RAPGEF1: variants seen among roughly 807,000 people sequenced by gnomAD.
RAPGEF1 encodes CRK SH3-binding GNRP.
RAPGEF1 carries 33 observed loss-of-function variants against 143.3 expected under a neutral mutation model. The ratio of observed to expected loss-of-function variants is 0.23; its 90% CI spans 0.17 to 0.31. The LOEUF (loss-of-function observed/expected upper bound fraction) is 0.31. RAPGEF1 is among the 10% of genes least tolerant of loss of function. RAPGEF1 has a pLI of 1.00. For synonymous variants in RAPGEF1, 629 were observed against 676.5 expected (o/e 0.93, Z 1.09); for missense variants, 1,199 against 1,645.4 (o/e 0.73, Z 4.69).
chr9:131,578,001 A>T lies in RAPGEF1; in HGVS notation c.*1496T>A, dbSNP rs547017755. ...AAATGATCAACAGATGTTGCTTTCT[A>T]TATTTTTCCTTTGTTCTGTTTGAAC... On this transcript the variant is annotated 3_prime_UTR_variant, in exon 27 of 27. Transcript: ENST00000683357. 1 of 152,228 alleles carries T rather than the reference A, an allele frequency of 6.6e-6. No individual in the cohort carries two copies. The highest frequency in any genetic ancestry group is 1.5e-5 in the Non-Finnish European group (1 of 68,040). The allele number at this position is 152,228 out of a possible 1,614,324, so 9.4% of individuals were successfully genotyped here. A position where few individuals can be genotyped will look rare whatever the true frequency, so the allele number is the denominator to read the frequency against.
intron 16 of RAPGEF1, among the ~76,000 whole-genome samples, chr9:131,596,838 G>A (rs879172): frequency 0.31 from 46,568 of 152,066 alleles, 7,265 homozygotes; most frequent in East Asian, 0.38. Context: ...TGCAGCAAGC[G>A]GCCCTACATC....
At chr9:131,695,294 C>T (rs1834082729) in intron 1 of RAPGEF1, among the ~76,000 whole-genome samples, 1 of 152,180 alleles carries the variant, frequency 6.6e-6, no homozygotes, top group Non-Finnish European at 1.5e-5. Flanking sequence ...GATTAGAATG[C>T]TTCCCTGTGT....
chr9:131,655,942 AC>A lies in RAPGEF1; in HGVS notation c.62-4994del, dbSNP rs1972361366. 6.6e-6 allele frequency among the ~76,000 whole-genome samples: 1 copy of A among 152,202 alleles called. No individual in the cohort carries two copies. The highest frequency in any genetic ancestry group is 2.4e-5 in the African/African-American group (1 of 41,452). On this transcript the variant is annotated intron_variant, in intron 1 of 26. Coordinates refer to ENST00000683357, the MANE Select transcript of RAPGEF1 (RefSeq NM_001377935.1). This position sits in a 1 kb window ranked among gnomAD's most constrained non-coding sequence, Gnocchi z 4.1. ...GGAGTCAGAATGTTTGCATTCAAATACTTAGATATCATCTCTCTAAATCTTT... is the reference window on the plus strand; with the variant it reads ...GGAGTCAGAATGTTTGCATTCAAATATTAGATATCATCTCTCTAAATCTTT...
intron 1 of RAPGEF1, among the ~76,000 whole-genome samples, chr9:131,661,121 T>A (rs1973956387): frequency 6.6e-6 from 1 of 152,144 alleles, no homozygotes; most frequent in Non-Finnish European, 1.5e-5. Flanking sequence ...GCTGAACACA[T>A]CCTTCCTCTC....
At chr9:131,683,823 A>C (rs1024704427) in intron 1 of RAPGEF1, among the ~76,000 whole-genome samples, 3 of 152,244 alleles carry the variant, frequency 2.0e-5, no homozygotes, top group African/African-American at 4.8e-5. Flanking sequence ...GGTTCATTCC[A>C]CACAGTTAAT....
intron 16 of RAPGEF1, among the ~76,000 whole-genome samples, chr9:131,596,584 C>T (rs1311525846): frequency 1.3e-5 from 2 of 152,234 alleles, no homozygotes; most frequent in African/African-American, 4.8e-5. Context: ...CAGGCACAAA[C>T]TGGACTGTGT....
intron 1 of RAPGEF1, among the ~76,000 whole-genome samples, 168 bp downstream of exon 1, chr9:131,739,602 G>A (rs955056538): frequency 3.4e-4 from 51 of 147,932 alleles, no homozygotes; most frequent in Admixed American, 4.6e-4. Flanking sequence ...GGCAGGCAAT[G>A]GGCCTGGAGG....
chr9:131,609,307 C>G (rs1175940903), intron 12 of RAPGEF1, among the ~76,000 whole-genome samples: 1 of 152,196 alleles, frequency 6.6e-6, no homozygotes, highest in Non-Finnish European at 1.5e-5. Context: ...GATGAAAATA[C>G]TGAGGCTGGG....
At chr9:131,626,491 G>A (rs915307948) in intron 9 of RAPGEF1, 69 bp from the exon 10 acceptor site, 38 of 1,472,574 alleles carry the variant, frequency 2.6e-5, no homozygotes, top group Admixed American at 1.8e-4. Flanking sequence ...AGCTCCCCCC[G>A]CCCGCCTCTC....
At chr9:131,619,926 C>T (rs372118235) in intron 11 of RAPGEF1, among the ~76,000 whole-genome samples, 1 of 152,128 alleles carries the variant, frequency 6.6e-6, no homozygotes, top group African/African-American at 2.4e-5. Flanking sequence ...GGTGTGGCTC[C>T]CAGGTCTTCT....
At chr9:131,697,939 G>A (rs962679388) in intron 1 of RAPGEF1, among the ~76,000 whole-genome samples, 1 of 152,156 alleles carries the variant, frequency 6.6e-6, no homozygotes, top group Non-Finnish European at 1.5e-5. Flanking sequence ...GGCAGACAGA[G>A]GAAGTCAGAG....
At chr9:131,724,845 GAC>G (rs913599256) in intron 1 of RAPGEF1, among the ~76,000 whole-genome samples, 4 of 152,208 alleles carry the variant, frequency 2.6e-5, no homozygotes, top group Admixed American at 2.6e-4. Context: ...CCTCCCAAGA[GAC>G]ACACAGATAT....
At chr9:131,735,924 C>T (rs1399230342) in intron 1 of RAPGEF1, among the ~76,000 whole-genome samples, 7 of 152,198 alleles carry the variant, frequency 4.6e-5, no homozygotes, top group African/African-American at 9.7e-5. Flanking sequence ...CTCAAGAACA[C>T]GTGCGGATCC....
At chr9:131,682,881 A>G (rs1833033485) in intron 1 of RAPGEF1, among the ~76,000 whole-genome samples, 2 of 152,182 alleles carry the variant, frequency 1.3e-5, no homozygotes, top group Non-Finnish European at 2.9e-5. Context: ...GGCCAATTCA[A>G]CCCGCTCAAT....
In RAPGEF1 at chr9:131,655,412, A is replaced by G. The variant is rs1482378192; in HGVS notation, c.62-4463T>C. Reference sequence around the variant, plus strand: ...CAGGAGGCTCTCAACACCAGCCCTCATATGTCAGCAGTCATCCCTCGCATT... The same window carrying G: ...CAGGAGGCTCTCAACACCAGCCCTCGTATGTCAGCAGTCATCCCTCGCATT... On this transcript the variant is annotated intron_variant, in intron 1 of 26. Transcript: ENST00000683357. The surrounding 1 kb of genome is among the most constrained non-coding windows in gnomAD (Gnocchi z 4.1). Among the ~76,000 whole-genome samples the G allele has an allele frequency of 6.6e-6, 1 of 152,238 alleles. No individual in the cohort carries two copies. Among genetic ancestry groups the G allele is most frequent in the African/African-American group, 2.4e-5 (1 of 41,468 alleles).
At chr9:131,633,495 A>G (rs10901077) in intron 5 of RAPGEF1, among the ~76,000 whole-genome samples, 51,428 of 152,130 alleles carry the variant, frequency 0.34, 10,035 homozygotes, top group African/African-American at 0.54. Context: ...CTGTTGATAC[A>G]GGAAAACATT....
At chr9:131,696,906 C>T (rs1834225693) in intron 1 of RAPGEF1, among the ~76,000 whole-genome samples, 1 of 152,248 alleles carries the variant, frequency 6.6e-6, no homozygotes, top group South Asian at 2.1e-4. Context: ...CGAGGGCTAA[C>T]TCTATGCCAA....
chr9:131,696,170 T>A (rs1444721621), intron 1 of RAPGEF1, among the ~76,000 whole-genome samples: 1 of 152,030 alleles, frequency 6.6e-6, no homozygotes, highest in South Asian at 2.1e-4. Flanking sequence ...AGCTACAACA[T>A]CTTGTATGAC....
In RAPGEF1 at chr9:131,626,318, C is replaced by A. The variant is rs371991410; in HGVS notation, c.1306G>T (p.Gly436Trp). 6.2e-7 allele frequency: 1 copy of A among 1,614,020 alleles called. No homozygotes were observed. Among genetic ancestry groups the A allele is most frequent in the Non-Finnish European group, 8.5e-7 (1 of 1,179,906 alleles). The change falls in exon 10 of 27, where the codon GGG becomes TGG. Residue 436 changes from glycine to tryptophan, a missense_variant. Gly to Trp is a radical substitution (Grantham distance 184). Around this residue, in one of 6 missense-constraint regions of RAPGEF1, gnomAD observed 613 missense variants for 710.9 expected, o/e 0.86. Coordinates refer to ENST00000683357, the MANE Select transcript of RAPGEF1 (RefSeq NM_001377935.1). ...CCAAGAAATGGAGACCCAGACTCCC[C>A]CAAAGACTCTGGCAACGGGCTAAGG... is the stretch of plus-strand genomic sequence containing the variant. ...WNLSPLPESL[G>W]ESGSPFLGPP...
Sources: allele counts gnomAD v4.1 joint callset (sites outside exome capture counted in the v4.1 genomes callset), GRCh38; gene constraint gnomAD v4.1.1; regional missense constraint gnomAD v4.1.1; non-coding constraint Gnocchi (gnomAD v3.1); transcripts MANE v1.5; gene names NCBI Gene and HGNC (gene_info 2026-07-23, HGNC 2026-07-21).